SUMF1: variants seen among roughly 807,000 people sequenced by gnomAD.
The protein encoded by SUMF1 is sulfatase modifying factor 1.
In SUMF1, 48 loss-of-function variants were observed where a neutral mutation model predicts 47.6. That is an observed-to-expected ratio of 1.01 (90% CI 0.80 to 1.28). The LOEUF (loss-of-function observed/expected upper bound fraction) is 1.28. Among genes scored for constraint, SUMF1 ranks in the 50% most tolerant of loss-of-function variants. The probability of loss-of-function intolerance (pLI) is 0.00; values close to 1 mark genes in which losing one functional copy is unlikely to be tolerated. For missense variants in SUMF1, 571 were observed against 485.4 expected (o/e 1.18, Z -1.66); for synonymous variants, 230 against 192.1 (o/e 1.20, Z -1.63).
rs996015696 is a variant in SUMF1 at position 4,211,860 on chromosome 3, C to G, written c.1015-143115G>C. ...GGAGCCCACTGCAGTTCAGCAAGGC[C>G]TCCGCAGCCAAACTGCCAGAGTTCT... On this transcript the variant is annotated intron_variant and NMD_transcript_variant, in intron 8 of 12. Transcript: ENST00000448413. Among the ~76,000 whole-genome samples the G allele has an allele frequency of 2.0e-5, 3 of 152,150 alleles. 1 individual carries two copies. Among genetic ancestry groups the G allele is most frequent in the African/African-American group, 7.2e-5 (3 of 41,442 alleles).
intron 3 of SUMF1, among the ~76,000 whole-genome samples, chr3:4,434,713 C>A (rs1372828846): frequency 6.6e-6 from 1 of 151,926 alleles, no homozygotes; most frequent in Non-Finnish European, 1.5e-5. Flanking sequence ...CAATGTTGTG[C>A]TGGCATGAAA....
intron 8 of SUMF1, among the ~76,000 whole-genome samples, chr3:4,238,201 C>G (rs1032145804): frequency 5.9e-5 from 9 of 152,186 alleles, no homozygotes; most frequent in South Asian, 4.1e-4. Context: ...TGGGTGGGTT[C>G]CAAGTCTTTG....
chr3:4,262,857 T>C (rs569767675), intron 8 of SUMF1, among the ~76,000 whole-genome samples: 3 of 152,206 alleles, frequency 2.0e-5, no homozygotes, highest in Admixed American at 6.5e-5. Context: ...AGTAGTTTGT[T>C]TGTCTAAGGA....
At chr3:4,175,154 T>C (rs547617401) in intron 8 of SUMF1, among the ~76,000 whole-genome samples, 11 of 152,218 alleles carry the variant, frequency 7.2e-5, no homozygotes, top group Non-Finnish European at 1.5e-4. Flanking sequence ...TAAACGTCCC[T>C]GTCTGACAGT....
At chr3:4,162,971 C>T (rs1694613004) in intron 8 of SUMF1, among the ~76,000 whole-genome samples, 1 of 151,846 alleles carries the variant, frequency 6.6e-6, no homozygotes, top group African/African-American at 2.4e-5. Context: ...CACAGAACTA[C>T]AAACTCATCA....
At chr3:4,328,403 A>G (rs1450711680) in intron 8 of SUMF1, among the ~76,000 whole-genome samples, 15 of 152,192 alleles carry the variant, frequency 9.9e-5, no homozygotes, top group East Asian at 1.9e-4. Context: ...AATAATTTAT[A>G]AAGAAAAAGA....
At chr3:4,440,207 C>T (rs1702536224) in intron 3 of SUMF1, among the ~76,000 whole-genome samples, 1 of 143,006 alleles carries the variant, frequency 7.0e-6, no homozygotes, top group Non-Finnish European at 1.5e-5. Flanking sequence ...CACACCACTG[C>T]ACTCCAGCCT....
intron 3 of SUMF1, among the ~76,000 whole-genome samples, chr3:4,420,958 A>T (rs979264248): frequency 1.3e-5 from 2 of 152,092 alleles, no homozygotes; most frequent in Non-Finnish European, 2.9e-5. Context: ...ACTTGTCTGG[A>T]CCCTCCTAGT....
chr3:4,145,160 T>G (rs1694163277), intron 8 of SUMF1, among the ~76,000 whole-genome samples: 1 of 137,100 alleles, frequency 7.3e-6, no homozygotes, highest in Non-Finnish European at 1.5e-5. Flanking sequence ...GCCACTGCAC[T>G]CTAGCCTGGG....
rs17040403 is a variant in SUMF1 at position 4,343,141 on chromosome 3, A to T, written c.1014+33189T>A. On this transcript the variant is annotated intron_variant and NMD_transcript_variant, in intron 8 of 12. Transcript: ENST00000448413. ...CCTAGGCCAAGGACCAGCTCTGAGG[A>T]CTATAACATGGAGATGGGAGATGGG... Among the ~76,000 whole-genome samples the T allele has an allele frequency of 9.1e-3, 1,389 of 152,336 alleles. 37 individuals carry two copies. Among genetic ancestry groups the T allele is most frequent in the East Asian group, 0.065 (336 of 5,180 alleles).
intron 8 of SUMF1, chr3:4,317,057 C>G: frequency 3.2e-6 from 5 of 1,549,322 alleles, no homozygotes; most frequent in Non-Finnish European, 3.5e-6. Context: ...TCTTGCCAAC[C>G]AACTACCACG....
chr3:4,185,043 T>C (rs1695172711), intron 8 of SUMF1, among the ~76,000 whole-genome samples: 1 of 152,128 alleles, frequency 6.6e-6, no homozygotes, highest in Non-Finnish European at 1.5e-5. Context: ...TACAAGGAGA[T>C]TTTGTTGGTA....
intron 3 of SUMF1, among the ~76,000 whole-genome samples, chr3:4,438,582 A>C (rs575121105): frequency 1.3e-5 from 2 of 152,302 alleles, no homozygotes; most frequent in African/African-American, 4.8e-5. Flanking sequence ...GTTTCCTCTT[A>C]GTAATTTTTC....
chr3:4,087,769 A>T (rs1463040401), intron 8 of SUMF1, among the ~76,000 whole-genome samples: 1 of 152,098 alleles, frequency 6.6e-6, no homozygotes, highest in African/African-American at 2.4e-5. Context: ...TTATCTAATA[A>T]GCATCTTAAG....
intron 1 of SUMF1, among the ~76,000 whole-genome samples, chr3:4,465,632 T>A (rs529016294): frequency 1.3e-5 from 2 of 151,860 alleles, no homozygotes; most frequent in East Asian, 3.9e-4. Flanking sequence ...CAGGACATGC[T>A]CTAAGGGTAA....
At chr3:4,147,441 A>G (rs929891965) in intron 8 of SUMF1, among the ~76,000 whole-genome samples, 1 of 152,176 alleles carries the variant, frequency 6.6e-6, no homozygotes, top group Non-Finnish European at 1.5e-5. Flanking sequence ...GCCCACATAA[A>G]TCATCTACCT....
intron 8 of SUMF1, among the ~76,000 whole-genome samples, chr3:4,106,061 T>C (rs1037672524): frequency 6.6e-6 from 1 of 152,040 alleles, no homozygotes; most frequent in African/African-American, 2.4e-5. Context: ...GTTTGCTTTA[T>C]CTGTTCCTCT....
chr3:4,243,585 C>T (rs1269384870), intron 8 of SUMF1, among the ~76,000 whole-genome samples: 1 of 152,096 alleles, frequency 6.6e-6, no homozygotes, highest in Non-Finnish European at 1.5e-5. Flanking sequence ...AGTAAAGTTT[C>T]TTAATTCTGA....
chr3:4,441,846 C>T (rs577598446), intron 3 of SUMF1, among the ~76,000 whole-genome samples: 16 of 152,312 alleles, frequency 1.1e-4, no homozygotes, highest in African/African-American at 3.9e-4. Flanking sequence ...GCAACAGCAT[C>T]AGCAAAGCTT....
Sources: allele counts gnomAD v4.1 joint callset (sites outside exome capture counted in the v4.1 genomes callset), GRCh38; gene constraint gnomAD v4.1.1; transcripts MANE v1.5; gene names NCBI Gene and HGNC (gene_info 2026-07-23, HGNC 2026-07-21).